Variants in EXOC6B observed in about 807,000 individuals in gnomAD.
EXOC6B encodes SEC15 homolog B.
EXOC6B carries 54 observed loss-of-function variants against 113.5 expected under a neutral mutation model. The ratio of observed to expected loss-of-function variants is 0.48; its 90% CI spans 0.38 to 0.60. The LOEUF is 0.60. Among genes scored for constraint, EXOC6B ranks in the 20% least tolerant of loss-of-function variants. EXOC6B has a pLI of 0.00. For synonymous variants in EXOC6B, 357 were observed against 339.0 expected, an observed-to-expected ratio of 1.05 and a Z score of -0.58; for missense variants, 797 against 977.5, an observed-to-expected ratio of 0.82 and a Z score of 2.46.
At chr2:72,459,831 T>G (rs911406245) in intron 18 of EXOC6B, among the ~76,000 whole-genome samples, 11 of 152,268 alleles carry the variant, frequency 7.2e-5, no homozygotes, top group East Asian at 1.9e-4. Flanking sequence ...CCAATGACTT[T>G]CTTCACAGAA....
chr2:72,429,198 A>C (rs2105291432), intron 18 of EXOC6B, among the ~76,000 whole-genome samples: 1 of 152,352 alleles, frequency 6.6e-6, no homozygotes, highest in Admixed American at 6.5e-5. Flanking sequence ...AATATCCTGG[A>C]CACTTTTTGT....
chr2:72,745,344 C>A (rs1301007444), intron 1 of EXOC6B, among the ~76,000 whole-genome samples: 5 of 152,060 alleles, frequency 3.3e-5, no homozygotes, highest in Non-Finnish European at 7.4e-5. Context: ...TATCACTACT[C>A]TCCATCTGTT....
intron 19 of EXOC6B, among the ~76,000 whole-genome samples, chr2:72,350,381 C>T (rs1381484357): frequency 1.4e-4 from 22 of 152,092 alleles, no homozygotes. Context: ...AGTATTAAAA[C>T]AATGATCTAA....
At chr2:72,527,366 C>T (rs1175872649) in intron 8 of EXOC6B, among the ~76,000 whole-genome samples, 1 of 151,858 alleles carries the variant, frequency 6.6e-6, no homozygotes, top group Non-Finnish European at 1.5e-5. Flanking sequence ...CAGTTTGTTA[C>T]ATATATCAAT....
chr2:72,503,447 T>C (rs1700434724), intron 11 of EXOC6B, among the ~76,000 whole-genome samples: 1 of 152,214 alleles, frequency 6.6e-6, no homozygotes, highest in Admixed American at 6.5e-5. Flanking sequence ...GATCATATAG[T>C]ATGTAGCCTT....
chr2:72,418,243 A>G (rs1308298825), intron 18 of EXOC6B, among the ~76,000 whole-genome samples: 2 of 152,168 alleles, frequency 1.3e-5, no homozygotes, highest in Non-Finnish European at 2.9e-5. Flanking sequence ...TTAGTCATTC[A>G]TATTCTCGTA....
At chr2:72,274,766 A>C (rs1684711113) in intron 20 of EXOC6B, among the ~76,000 whole-genome samples, 1 of 152,172 alleles carries the variant, frequency 6.6e-6, no homozygotes, top group South Asian at 2.1e-4. Flanking sequence ...TTCTTTGTTT[A>C]TTAAGCCAAC....
intron 6 of EXOC6B, among the ~76,000 whole-genome samples, chr2:72,612,183 G>A (rs985630344): frequency 2.0e-5 from 3 of 151,980 alleles, no homozygotes; most frequent in Non-Finnish European, 2.9e-5. Context: ...GCTGAGGCAC[G>A]AGAATGGTTT....
chr2:72,385,864 G>A (rs1204836359), intron 18 of EXOC6B, among the ~76,000 whole-genome samples: 5 of 152,134 alleles, frequency 3.3e-5, no homozygotes, highest in Admixed American at 6.6e-5. Flanking sequence ...AAGGTAACAA[G>A]TGTTGGTGAG....
intron 8 of EXOC6B, among the ~76,000 whole-genome samples, chr2:72,558,383 T>C (rs1409237759): frequency 6.6e-6 from 1 of 152,072 alleles, no homozygotes; most frequent in East Asian, 1.9e-4. Context: ...ATCTAACCAA[T>C]AAAACTACCA....
chr2:72,596,133 C>T (rs905730257), intron 6 of EXOC6B, among the ~76,000 whole-genome samples: 1 of 152,134 alleles, frequency 6.6e-6, no homozygotes, highest in Non-Finnish European at 1.5e-5. Context: ...GTGGAACAGA[C>T]TTCTGGTTTC....
At chr2:72,495,663 A>G (rs552703301) in intron 14 of EXOC6B, 124 bp from the exon 15 acceptor site, 38 of 605,582 alleles carry the variant, frequency 6.3e-5, no homozygotes, top group Middle Eastern at 3.8e-4. Flanking sequence ...AACAAACTCA[A>G]ATATAAGAAA....
At chr2:72,195,887 G>A (rs41396) in intron 20 of EXOC6B, among the ~76,000 whole-genome samples, 38,803 of 151,980 alleles carry the variant, frequency 0.26, 5,398 homozygotes, top group African/African-American at 0.34. Flanking sequence ...TACTTAACCT[G>A]AGTACATATT....
chr2:72,299,640 C>T (rs1385639007), intron 20 of EXOC6B, among the ~76,000 whole-genome samples: 2 of 152,090 alleles, frequency 1.3e-5, no homozygotes, highest in Admixed American at 6.6e-5. Context: ...AATATTCAGC[C>T]TTTTTGCGCT....
chr2:72,763,524 G>C (rs1260797245), intron 1 of EXOC6B, among the ~76,000 whole-genome samples: 1 of 151,242 alleles, frequency 6.6e-6, no homozygotes, highest in Non-Finnish European at 1.5e-5. Context: ...CCAGACTCAA[G>C]TGATCCTCCT....
intron 6 of EXOC6B, among the ~76,000 whole-genome samples, chr2:72,707,530 C>G (rs954118385): frequency 6.6e-6 from 1 of 151,814 alleles, no homozygotes; most frequent in Non-Finnish European, 1.5e-5. Context: ...TCTCCTGCCT[C>G]AGCCTCCCGA....
At chr2:72,515,245 G>A in intron 8 of EXOC6B, 119 bp from the exon 9 acceptor site, 1 of 1,006,148 alleles carries the variant, frequency 9.9e-7, no homozygotes, top group Non-Finnish European at 1.5e-6. Context: ...CTCAAAATCT[G>A]CTATTTTAAC....
chr2:72,774,676 C>T (rs1683595881), intron 1 of EXOC6B, among the ~76,000 whole-genome samples: 1 of 152,082 alleles, frequency 6.6e-6, no homozygotes, highest in South Asian at 2.1e-4. Flanking sequence ...CTCCTCCTGA[C>T]AAAAAATATG....
intron 1 of EXOC6B, among the ~76,000 whole-genome samples, chr2:72,796,749 C>T (rs1012495319): frequency 1.3e-5 from 2 of 152,044 alleles, no homozygotes; most frequent in African/African-American, 4.8e-5. Context: ...CTCTACCTTG[C>T]ACGACCCATG....
Sources: allele counts gnomAD v4.1 joint callset (sites outside exome capture counted in the v4.1 genomes callset), GRCh38; gene constraint gnomAD v4.1.1; transcripts MANE v1.5; gene names NCBI Gene and HGNC (gene_info 2026-07-23, HGNC 2026-07-21).